Variants in SLC22A23 observed in about 807,000 individuals in gnomAD.
SLC22A23 encodes ion transporter protein.
Under a neutral mutation model 61.0 loss-of-function variants are expected in SLC22A23, and 26 were observed. That is an observed-to-expected ratio of 0.43 (90% CI 0.31 to 0.59). SLC22A23 has a LOEUF of 0.59. SLC22A23 is among the 20% of genes least tolerant of loss of function. The pLI is 0.11. For missense variants in SLC22A23, 796 were observed against 934.7 expected (o/e 0.85, Z 1.94); for synonymous variants, 430 against 413.9 (o/e 1.04, Z -0.47).
chr6:3,412,659 A>G (rs1423361856), intron 2 of SLC22A23, among the ~76,000 whole-genome samples: 5 of 152,188 alleles, frequency 3.3e-5, no homozygotes, highest in African/African-American at 1.2e-4. Flanking sequence ...AGAACCTGTG[A>G]GTATTTTACC....
Position 3,322,276 on chromosome 6 carries a change from T to C in SLC22A23, c.1082+1558A>G, listed in dbSNP as rs866488507. On this transcript the variant is annotated intron_variant, in intron 4 of 9. Transcript: ENST00000406686. This position sits in a 1 kb window ranked among gnomAD's most constrained non-coding sequence, Gnocchi z 4.1. ...TACAGTGGGAAGCACAGAGAAGCAT[T>C]TGTGAGATAAATCAGCACCCTTGAA... is the stretch of plus-strand genomic sequence containing the variant. Among the ~76,000 whole-genome samples the C allele has an allele frequency of 6.6e-6, 1 of 152,164 alleles. No individual in the cohort carries two copies. The highest frequency in any genetic ancestry group is 2.4e-5 in the African/African-American group (1 of 41,430).
At chr6:3,418,378 C>T (rs1025381455) in intron 1 of SLC22A23, among the ~76,000 whole-genome samples, 1 of 152,238 alleles carries the variant, frequency 6.6e-6, no homozygotes, top group African/African-American at 2.4e-5. Flanking sequence ...TTTAATAAAG[C>T]ATTTAGGGGA....
chr6:3,426,167 A>G (rs964695938), intron 1 of SLC22A23, among the ~76,000 whole-genome samples: 1 of 152,216 alleles, frequency 6.6e-6, no homozygotes, highest in East Asian at 1.9e-4. Flanking sequence ...TTAGTACTGA[A>G]ATGTTGAAAA....
rs537228473 is a variant in SLC22A23 at position 3,401,361 on chromosome 6, C to T, written c.913+8827G>A. Among the ~76,000 whole-genome samples the T allele has an allele frequency of 2.6e-5, 4 of 151,830 alleles. No homozygotes were observed. The South Asian group carries it at 8.4e-4, about 32-fold the overall frequency. ...TCAAAACAAAAACAAAAACAAAAAA[C>T]AAAACACAAAACAAAAAAGGCTGAA... On this transcript the variant is annotated intron_variant, in intron 3 of 9. Transcript: ENST00000406686.
rs1381034674 is a variant in SLC22A23, at chr6:3,269,416, T to TG, written c.*3638dup. 2 of 152,558 alleles carry TG rather than the reference T, an allele frequency of 1.3e-5. No homozygotes were observed. The highest frequency in any genetic ancestry group is 4.8e-5 in the African/African-American group (2 of 41,468). The allele number at this position is 152,558 out of a possible 1,614,324, so 9.5% of individuals were successfully genotyped here. On this transcript the variant is annotated 3_prime_UTR_variant, in exon 10 of 10. Coordinates refer to ENST00000406686, the MANE Select transcript of SLC22A23 (RefSeq NM_015482.2). ...TTAATGGTAGTGAAATGCCCTTCGG[T>TG]GGATACCATCAGGTGAGGTAGGGAA...
chr6:3,280,518 T>C (rs1219204857), intron 9 of SLC22A23, among the ~76,000 whole-genome samples: 6 of 125,254 alleles, frequency 4.8e-5, no homozygotes, highest in East Asian at 4.6e-4. Flanking sequence ...TTTTTTGAGA[T>C]GGAGTCTCGC....
At chr6:3,393,618 A>T (rs1767810549) in intron 3 of SLC22A23, among the ~76,000 whole-genome samples, 1 of 152,254 alleles carries the variant, frequency 6.6e-6, no homozygotes, top group Non-Finnish European at 1.5e-5. Flanking sequence ...AAATGGCAGC[A>T]GAAATACATG....
chr6:3,373,213 G>C (rs1766339904), intron 3 of SLC22A23, among the ~76,000 whole-genome samples: 2 of 152,234 alleles, frequency 1.3e-5, no homozygotes, highest in Admixed American at 6.5e-5. Context: ...TAAGTCTCTA[G>C]TGCGATTCCC....
chr6:3,321,290 C>T (rs1457467611), intron 4 of SLC22A23, among the ~76,000 whole-genome samples: 1 of 152,254 alleles, frequency 6.6e-6, no homozygotes, highest in Non-Finnish European at 1.5e-5. Flanking sequence ...CAGCCAGTCA[C>T]TAGGCCAGCT....
chr6:3,399,413 C>A (rs1435034431), intron 3 of SLC22A23, among the ~76,000 whole-genome samples: 1 of 152,158 alleles, frequency 6.6e-6, no homozygotes, highest in Non-Finnish European at 1.5e-5. Flanking sequence ...AAGTCATGCC[C>A]TTCCTCAAGC....
chr6:3,300,887 G>C (rs1761553552), intron 4 of SLC22A23, among the ~76,000 whole-genome samples: 1 of 152,202 alleles, frequency 6.6e-6, no homozygotes, highest in East Asian at 1.9e-4. Context: ...GCTAAAAGCT[G>C]TCCTGCTGAG....
intron 3 of SLC22A23, among the ~76,000 whole-genome samples, chr6:3,331,769 G>A (rs1290687486): frequency 6.6e-6 from 1 of 152,176 alleles, no homozygotes; most frequent in Non-Finnish European, 1.5e-5. Flanking sequence ...CAGTCTCCTA[G>A]TATTTAAAAA....
intron 4 of SLC22A23, chr6:3,313,744 G>A (rs557034709): frequency 1.1e-4 from 16 of 152,292 alleles, no homozygotes; most frequent in African/African-American, 3.9e-4. Context: ...TTCTTGGCCG[G>A]GCGCGGTGGC....
At chr6:3,356,771 G>A (rs1175954641) in intron 3 of SLC22A23, among the ~76,000 whole-genome samples, 4 of 152,036 alleles carry the variant, frequency 2.6e-5, no homozygotes, top group Non-Finnish European at 4.4e-5. Context: ...GCAGGATCCC[G>A]CTCAAGCCCT....
chr6:3,304,464 T>C lies in SLC22A23; in HGVS notation c.1083-6246A>G, dbSNP rs752330079. 6.6e-6 allele frequency among the ~76,000 whole-genome samples: 1 copy of C among 151,532 alleles called. No individual in the cohort carries two copies. Among genetic ancestry groups the C allele is most frequent in the Non-Finnish European group, 1.5e-5 (1 of 67,954 alleles). On this transcript the variant is annotated intron_variant, in intron 4 of 9. Coordinates refer to ENST00000406686, the MANE Select transcript of SLC22A23 (RefSeq NM_015482.2). The surrounding 1 kb of genome is among the most constrained non-coding windows in gnomAD (Gnocchi z 4.3). ...ACAAAGGCGTGGTGTGACCTTAGGA[T>C]TTAAGAAGTGGGTATGGGCCTCTTT...
intron 3 of SLC22A23, among the ~76,000 whole-genome samples, chr6:3,339,481 G>A (rs1764035185): frequency 6.6e-6 from 1 of 152,190 alleles, no homozygotes. Context: ...TGGGTAAAAT[G>A]AGGCTGAAAC....
intron 3 of SLC22A23, among the ~76,000 whole-genome samples, chr6:3,352,088 G>C (rs1764803405): frequency 7.1e-6 from 1 of 141,660 alleles, no homozygotes; most frequent in African/African-American, 2.9e-5. Flanking sequence ...CTGGAGTGCT[G>C]AGAGGTGGCA....
In SLC22A23 at chr6:3,414,229, GATT is replaced by G. The variant is rs1769503066; in HGVS notation, c.758+1520_758+1522del. Among the ~76,000 whole-genome samples, 1 of 152,082 alleles carries G rather than the reference GATT, an allele frequency of 6.6e-6. No individual in the cohort carries two copies. Among genetic ancestry groups the G allele is most frequent in the African/African-American group, 2.4e-5 (1 of 41,390 alleles). On this transcript the variant is annotated intron_variant, in intron 2 of 9. Transcript: ENST00000406686. This position sits in a 1 kb window ranked among gnomAD's most constrained non-coding sequence, Gnocchi z 5.1. ...ATTTTTTTAGAAAGACAGTGACATG[GATT>G]ATATTAGTATATTTTTCTAACCTAT... is the stretch of plus-strand genomic sequence containing the variant.
intron 3 of SLC22A23, among the ~76,000 whole-genome samples, chr6:3,358,235 A>G (rs1765231444): frequency 1.3e-5 from 2 of 152,184 alleles, no homozygotes; most frequent in African/African-American, 4.8e-5. Context: ...TATCCAAAAG[A>G]ATTGAAATTA....
Sources: allele counts gnomAD v4.1 joint callset (sites outside exome capture counted in the v4.1 genomes callset), GRCh38; gene constraint gnomAD v4.1.1; non-coding constraint Gnocchi (gnomAD v3.1); transcripts MANE v1.5; gene names NCBI Gene and HGNC (gene_info 2026-07-23, HGNC 2026-07-21).